Variants in FBXW12 observed in about 807,000 individuals in gnomAD.
The protein encoded by FBXW12 is F-box/WD repeat-containing protein 12.
A neutral mutation model predicts 55.3 loss-of-function variants in FBXW12; 43 were observed. The ratio of observed to expected loss-of-function variants is 0.78; its 90% CI spans 0.61 to 1.00. The LOEUF (loss-of-function observed/expected upper bound fraction) is 1.00. FBXW12 is among the 50% of genes least tolerant of loss of function. The pLI is 0.00. For synonymous variants in FBXW12, 184 were observed against 203.8 expected, an observed-to-expected ratio of 0.90 and a Z score of 0.83; for missense variants, 524 against 560.5, an observed-to-expected ratio of 0.93 and a Z score of 0.66.
chr3:48,376,154 G>C (rs2036683044), intron 5 of FBXW12, among the ~76,000 whole-genome samples: 1 of 151,696 alleles, frequency 6.6e-6, no homozygotes, highest in African/African-American at 2.4e-5. Context: ...GCTAATTTTT[G>C]TATTTTTAGT....
intron 10 of FBXW12, among the ~76,000 whole-genome samples, chr3:48,392,631 G>C (rs1254417314): frequency 2.0e-5 from 3 of 152,060 alleles, no homozygotes; most frequent in African/African-American, 4.8e-5. Flanking sequence ...TTTGTTGTTT[G>C]TTTATAACAT....
Position 48,378,674 on chromosome 3 carries a change from G to C in FBXW12, c.615+148G>C, listed in dbSNP as rs1399393287. The C allele has an allele frequency of 7.5e-6, 5 of 664,502 alleles. No individual in the cohort carries two copies. In the East Asian group the frequency reaches 1.1e-4, roughly 15 times the overall value. The allele number at this position is 664,502 out of a possible 1,614,324, so 41.2% of individuals were successfully genotyped here. ...CTGTTGCTCAGGCTGGAGTGCAGTGGTGCAATCTTGGCTCACTGCAACCTC... is the reference window on the plus strand; with the variant it reads ...CTGTTGCTCAGGCTGGAGTGCAGTGCTGCAATCTTGGCTCACTGCAACCTC... On this transcript the variant is annotated intron_variant, in intron 6 of 10. Transcript: ENST00000296438.
At position 48,381,856 on chromosome 3, in the gene FBXW12, C is replaced by T; in HGVS notation, c.1142C>T (p.Ala381Val). ...CTGCAACGATTTGAGGACCATCAGGCAGCCATCAACAACTTCTGGGTGGTA... is the reference window on the plus strand; with the variant it reads ...CTGCAACGATTTGAGGACCATCAGGTAGCCATCAACAACTTCTGGGTGGTA... The part of the protein sequence containing the change: ...FLLQRFEDHQ[A>V]AINNFWVDPC... The change falls in exon 9 of 11, where the codon GCA becomes GTA. Residue 381 changes from alanine (A) to valine (V), a missense_variant. Transcript: ENST00000296438. 3 of 1,607,252 alleles carry T rather than the reference C, an allele frequency of 1.9e-6. No individual in the cohort carries two copies. The highest frequency in any genetic ancestry group is 2.6e-6 in the Non-Finnish European group (3 of 1,175,362).
chr3:48,388,381 G>A (rs186936708), intron 10 of FBXW12, among the ~76,000 whole-genome samples: 3 of 152,026 alleles, frequency 2.0e-5, no homozygotes, highest in South Asian at 2.1e-4. Flanking sequence ...TTCCTATTAC[G>A]GATTATTTAT....
intron 10 of FBXW12, among the ~76,000 whole-genome samples, chr3:48,388,825 ATTAAC>A (rs1417856957): frequency 1.3e-5 from 2 of 152,352 alleles, no homozygotes; most frequent in South Asian, 2.1e-4. Context: ...AATCGGGCTA[ATTAAC>A]TTATCCATCA....
In FBXW12 at chr3:48,381,995, A is replaced by T; in HGVS notation, c.1205A>T (p.His402Leu). 6.2e-7 allele frequency: 1 copy of T among 1,614,222 alleles called. No homozygotes were observed. Among genetic ancestry groups the T allele is most frequent in the Non-Finnish European group, 8.5e-7 (1 of 1,180,042 alleles). The part of the protein sequence containing the change: ...YVLTTSENSV[H>L]VYMWEEGGRH... Reference sequence around the variant, plus strand: ...CTCACCACATCCGAGAACTCTGTGCACGTGTACATGTGGGAAGAAGGAGGC... The same window carrying T: ...CTCACCACATCCGAGAACTCTGTGCTCGTGTACATGTGGGAAGAAGGAGGC... The change falls in exon 10 of 11, where the codon CAC (histidine) becomes CTC (leucine). Residue 402 changes from histidine (H) to leucine (L), a missense_variant. Physicochemically the swap from His to Leu is moderately conservative, Grantham distance 99 (BLOSUM62 -3). Coordinates refer to ENST00000296438, the MANE Select transcript of FBXW12 (RefSeq NM_207102.2).
chr3:48,394,483 A>G, intron 10 of FBXW12, 77 bp from the exon 11 acceptor site: 1 of 816,972 alleles, frequency 1.2e-6, no homozygotes, highest in Non-Finnish European at 2.0e-6. Flanking sequence ...ATCTTAGTCA[A>G]GTTCTAAGTC....
Position 48,394,684 on chromosome 3 carries a change from T to G in FBXW12, c.*25T>G, listed in dbSNP as rs772107841. 4 of 1,225,330 alleles carry G rather than the reference T, an allele frequency of 3.3e-6. No homozygotes were observed. In the African/African-American group the frequency reaches 6.0e-5, roughly 19 times the overall value. The allele number at this position is 1,225,330 out of a possible 1,614,324, so 75.9% of individuals were successfully genotyped here. ...ATATGGAAACTAACAAAATTGACCT[T>G]GCATCATCTTCTGCAATGTAGTAAA... On this transcript the variant is annotated 3_prime_UTR_variant, in exon 11 of 11. Coordinates refer to ENST00000296438, the MANE Select transcript of FBXW12 (RefSeq NM_207102.2).
intron 10 of FBXW12, among the ~76,000 whole-genome samples, chr3:48,387,371 T>C (rs1375634098): frequency 6.6e-6 from 1 of 152,092 alleles, no homozygotes; most frequent in Non-Finnish European, 1.5e-5. Flanking sequence ...TGGTTTTGTA[T>C]TTTTTGGTCA....
chr3:48,385,338 TTGTGTGTGTGTGTGTG>T (rs60689779), intron 10 of FBXW12, among the ~76,000 whole-genome samples: 5 of 148,994 alleles, frequency 3.4e-5, no homozygotes, highest in South Asian at 2.2e-4. Flanking sequence ...TGGTATTCCA[TTGTGTGTGTGTGTGTG>T]TGTGTGTGTG....
intron 10 of FBXW12, among the ~76,000 whole-genome samples, chr3:48,382,350 C>T (rs922874698): frequency 6.6e-6 from 1 of 152,126 alleles, no homozygotes; most frequent in African/African-American, 2.4e-5. Flanking sequence ...CTCCTGGTCT[C>T]GTGATCCGCC....
chr3:48,387,019 C>A (rs945560075), intron 10 of FBXW12, among the ~76,000 whole-genome samples: 1 of 151,404 alleles, frequency 6.6e-6, no homozygotes, highest in Non-Finnish European at 1.5e-5. Flanking sequence ...CTCACTGCAA[C>A]CTCCACCTCC....
At position 48,372,743 on chromosome 3, in the gene FBXW12, T is replaced by C. The variant is rs75135185; in HGVS notation, c.-25T>C. 19 of 1,614,142 alleles carry C rather than the reference T, an allele frequency of 1.2e-5. No individual in the cohort carries two copies. The highest frequency in any genetic ancestry group is 1.5e-5 in the Non-Finnish European group (18 of 1,180,006). ...GCAGCCCGGAGAGGAGAAAGGAAAG[T>C]GGATGTGGGTTCAGGCCGCATGAAA... is the stretch of plus-strand genomic sequence containing the variant. On this transcript the variant is annotated 5_prime_UTR_variant, in exon 2 of 11. Transcript: ENST00000296438.
Position 48,375,389 on chromosome 3 carries a change from A to G in FBXW12, c.322A>G (p.Arg108Gly). Reference protein sequence around the residue: ...ETELAYLSGNRLTVDEQEKSI... With the variant: ...ETELAYLSGNGLTVDEQEKSI... Reference sequence around the variant, plus strand: ...GGAGTTGGCTTATCTCTCAGGAAATAGACTTACAGTGGATGAACAGGAGAA... The same window carrying G: ...GGAGTTGGCTTATCTCTCAGGAAATGGACTTACAGTGGATGAACAGGAGAA... Residue 108 changes from arginine (R) to glycine (G), a missense_variant, in exon 5 of 11, where the codon AGA becomes GGA. Arg to Gly is a moderately radical substitution (Grantham distance 125, BLOSUM62 -2). Transcript: ENST00000296438. The G allele has an allele frequency of 6.2e-7, 1 of 1,612,428 alleles. No individual in the cohort carries two copies. Among genetic ancestry groups the G allele is most frequent in the African/African-American group, 1.3e-5 (1 of 74,954 alleles).
At chr3:48,372,986 C>T (rs2036626057) in intron 2 of FBXW12, 129 bp downstream of exon 2, 2 of 911,726 alleles carry the variant, frequency 2.2e-6, no homozygotes, top group East Asian at 2.5e-5. Flanking sequence ...TACTGAGGGC[C>T]TCATATTCTG....
Position 48,379,454 on chromosome 3 carries a change from G to C in FBXW12, c.670G>C (p.Val224Leu). 2.5e-6 allele frequency: 4 copies of C among 1,614,150 alleles called. No individual in the cohort carries two copies. Among genetic ancestry groups the C allele is most frequent in the Non-Finnish European group, 3.4e-6 (4 of 1,179,982 alleles). ...YTFTLPGLRDVSKVTAFQYGI... is the reference protein window; with the variant it reads ...YTFTLPGLRDLSKVTAFQYGI... ...ATTTACACTGCCTGGGTTAAGAGATGTTTCTAAAGTTACTGCATTTCAATA... is the reference window on the plus strand; with the variant it reads ...ATTTACACTGCCTGGGTTAAGAGATCTTTCTAAAGTTACTGCATTTCAATA... Residue 224 changes from valine to leucine, a missense_variant, in exon 7 of 11, where the codon GTT (valine) becomes CTT (leucine). Transcript: ENST00000296438.
At chr3:48,394,447 G>C in intron 10 of FBXW12, 113 bp from the exon 11 acceptor site, 1 of 658,224 alleles carries the variant, frequency 1.5e-6, no homozygotes, top group South Asian at 1.8e-5. Context: ...GAGCACGAAG[G>C]ACCAATTAAT....
intron 10 of FBXW12, among the ~76,000 whole-genome samples, chr3:48,392,676 G>T (rs1335644280): frequency 6.6e-6 from 1 of 152,022 alleles, no homozygotes. Flanking sequence ...GTTTTAATTG[G>T]TATATTAACT....
intron 8 of FBXW12, among the ~76,000 whole-genome samples, chr3:48,381,128 T>C (rs962133952): frequency 4.0e-5 from 6 of 151,004 alleles, no homozygotes; most frequent in African/African-American, 1.5e-4. Context: ...GTTCACGACA[T>C]TCTCCCGCCT....
Sources: allele counts gnomAD v4.1 joint callset (sites outside exome capture counted in the v4.1 genomes callset), GRCh38; gene constraint gnomAD v4.1.1; transcripts MANE v1.5; gene names NCBI Gene and HGNC (gene_info 2026-07-23, HGNC 2026-07-21).